Variants in UGGT2 observed in about 807,000 individuals in gnomAD.
The protein encoded by UGGT2 is UDP-glucose:glycoprotein glucosyltransferase 2.
In UGGT2, 180 loss-of-function variants were observed where a neutral mutation model predicts 192.1. The observed-to-expected ratio is 0.94, with a 90% CI of 0.83 to 1.06. The LOEUF (loss-of-function observed/expected upper bound fraction) is 1.06. Ranked by LOEUF, UGGT2 falls within the 50% of genes least tolerant of loss-of-function variation. The probability of loss-of-function intolerance (pLI) is 0.00; values close to 1 mark genes in which losing one functional copy is unlikely to be tolerated. For synonymous variants in UGGT2, 580 were observed against 591.0 expected (o/e 0.98, Z 0.27); for missense variants, 1,849 against 1,795.7 (o/e 1.03, Z -0.54).
intron 11 of UGGT2, among the ~76,000 whole-genome samples, chr13:95,971,873 G>A (rs891039671): frequency 3.9e-5 from 6 of 152,062 alleles, no homozygotes; most frequent in African/African-American, 1.4e-4. Context: ...AAACTGGTAA[G>A]AATTTAAATA....
intron 5 of UGGT2, among the ~76,000 whole-genome samples, chr13:96,003,254 T>C (rs941380275): frequency 2.0e-5 from 3 of 152,152 alleles, no homozygotes; most frequent in Non-Finnish European, 4.4e-5. Context: ...TCCCCTGGGA[T>C]TGATACCAGT....
chr13:95,808,303 C>G (rs1884418371), intron 38 of UGGT2, among the ~76,000 whole-genome samples: 1 of 152,124 alleles, frequency 6.6e-6, no homozygotes, highest in Non-Finnish European at 1.5e-5. Context: ...AAGAATATTA[C>G]TGATCTTAAG....
At chr13:95,821,965 C>G (rs1252916585) in intron 38 of UGGT2, among the ~76,000 whole-genome samples, 1 of 152,080 alleles carries the variant, frequency 6.6e-6, no homozygotes, top group African/African-American at 2.4e-5. Context: ...CTAACTATAG[C>G]CTTGTAGTAG....
At chr13:95,944,695 T>C (rs1239500776) in intron 15 of UGGT2, among the ~76,000 whole-genome samples, 3 of 152,054 alleles carry the variant, frequency 2.0e-5, no homozygotes, top group Non-Finnish European at 4.4e-5. Context: ...CAGTTACTCA[T>C]TTCTGAATGG....
intron 5 of UGGT2, among the ~76,000 whole-genome samples, chr13:96,008,236 C>T (rs1407012152): frequency 6.6e-6 from 1 of 152,134 alleles, no homozygotes; most frequent in Non-Finnish European, 1.5e-5. Context: ...AAACAATCAA[C>T]ACAGTGAAGA....
At position 95,860,958 on chromosome 13, in the gene UGGT2, G is replaced by A. The variant is rs534205691; in HGVS notation, c.3645-75C>T. ...TTGTATGCCTAAATAGTAAATATAA[G>A]CAATCAATATAGAAATGTATTTCAA... On this transcript the variant is annotated intron_variant, in intron 31 of 38. Transcript: ENST00000376747. 1.7e-5 allele frequency: 13 copies of A among 743,006 alleles called. No individual in the cohort carries two copies. In the African/African-American group the frequency reaches 2.2e-4, roughly 12 times the overall value. 46.0% of individuals were successfully genotyped at this position (743,006 alleles called of 1,614,324 possible). A position where few individuals can be genotyped will look rare whatever the true frequency, so the allele number is the denominator to read the frequency against.
At chr13:95,861,729 A>G (rs1890188990) in intron 31 of UGGT2, among the ~76,000 whole-genome samples, 1 of 152,184 alleles carries the variant, frequency 6.6e-6, no homozygotes, top group African/African-American at 2.4e-5. Flanking sequence ...GTTATTTTGC[A>G]AAATATAAAT....
chr13:95,900,682 T>C, intron 22 of UGGT2, 125 bp downstream of exon 22: 1 of 997,436 alleles, frequency 1.0e-6, no homozygotes, highest in Non-Finnish European at 1.4e-6. Context: ...GTGTCTGGTG[T>C]CTTCAGCTCA....
At chr13:95,996,173 A>G in intron 6 of UGGT2, 38 bp from the exon 7 acceptor site, 2 of 1,548,324 alleles carry the variant, frequency 1.3e-6, no homozygotes, top group Non-Finnish European at 1.8e-6. Context: ...CAACAAAAAT[A>G]TTTTCAGACT....
At chr13:95,924,408 T>TTTTTTTTTTTTTTTTTTTG (rs2048952508) in intron 20 of UGGT2, among the ~76,000 whole-genome samples, 1 of 143,978 alleles carries the variant, frequency 6.9e-6, no homozygotes, top group Non-Finnish European at 1.5e-5. Context: ...TTTTTTTTTT[T>TTTTTTTTTTTTTTTTTTTG]TTTTTTTTTT....
At chr13:95,974,588 C>G (rs1037370240) in intron 10 of UGGT2, among the ~76,000 whole-genome samples, 2 of 152,260 alleles carry the variant, frequency 1.3e-5, no homozygotes, top group Admixed American at 1.3e-4. Flanking sequence ...GTTTGCCTAT[C>G]AGAGATAAGT....
At chr13:95,989,474 C>A in intron 8 of UGGT2, 1 of 237,744 alleles carries the variant, frequency 4.2e-6, no homozygotes, top group South Asian at 4.0e-5. Flanking sequence ...AAATTTTGTT[C>A]ACAAAATATC....
At chr13:95,958,704 C>T (rs1170584177) in intron 12 of UGGT2, among the ~76,000 whole-genome samples, 1 of 151,142 alleles carries the variant, frequency 6.6e-6, no homozygotes, top group Non-Finnish European at 1.5e-5. Flanking sequence ...AATCACACTT[C>T]GAATAGGTCG....
chr13:95,884,976 G>C (rs2047604919), intron 26 of UGGT2, among the ~76,000 whole-genome samples: 1 of 152,104 alleles, frequency 6.6e-6, no homozygotes, highest in Non-Finnish European at 1.5e-5. Context: ...TTTATGATCT[G>C]TTATTGTATT....
intron 38 of UGGT2, among the ~76,000 whole-genome samples, chr13:95,824,126 C>T (rs1022906823): frequency 6.6e-6 from 1 of 152,134 alleles, no homozygotes; most frequent in African/African-American, 2.4e-5. Flanking sequence ...CCCCATTTCC[C>T]TTCTAGCTTA....
intron 24 of UGGT2, 89 bp from the exon 25 acceptor site, chr13:95,891,053 T>C (rs2047787799): frequency 2.1e-6 from 2 of 955,306 alleles, no homozygotes; most frequent in South Asian, 4.1e-5. Flanking sequence ...TCTTATAAAT[T>C]GTTTTCTTTC....
At chr13:95,880,759 G>A (rs1381292329) in intron 27 of UGGT2, among the ~76,000 whole-genome samples, 1 of 152,206 alleles carries the variant, frequency 6.6e-6, no homozygotes, top group Admixed American at 6.5e-5. Flanking sequence ...CAAAGCACAA[G>A]AGTAGAAGAT....
intron 7 of UGGT2, among the ~76,000 whole-genome samples, chr13:95,993,485 A>T (rs932621767): frequency 6.6e-6 from 1 of 152,220 alleles, no homozygotes; most frequent in Non-Finnish European, 1.5e-5. Flanking sequence ...ATAAAAAGTT[A>T]TATTCAAAAG....
intron 27 of UGGT2, among the ~76,000 whole-genome samples, chr13:95,881,184 C>T (rs980505152): frequency 6.6e-6 from 1 of 152,076 alleles, no homozygotes; most frequent in Admixed American, 6.6e-5. Flanking sequence ...GAGCAAGACT[C>T]CATGTCAAAA....
Sources: gnomAD v4.1 joint callset for allele counts (sites outside exome capture counted in the v4.1 genomes callset) on GRCh38, gnomAD v4.1.1 for gene constraint, MANE v1.5 for transcripts, NCBI Gene and HGNC (gene_info 2026-07-23, HGNC 2026-07-21) for gene names.